The following UBAP1 variants were observed in gnomAD, a reference collection of about 807,000 sequenced individuals.
UBAP1 encodes the protein ubiquitin-associated protein 1.
A neutral mutation model predicts 39.0 loss-of-function variants in UBAP1; 5 were observed. The observed-to-expected ratio is 0.13, with a 90% CI of 0.07 to 0.27. The LOEUF is 0.27. Ranked by LOEUF, UBAP1 falls within the 10% of genes least tolerant of loss-of-function variation. UBAP1 has a pLI of 1.00. For missense variants in UBAP1, 490 were observed against 608.1 expected (o/e 0.81, Z 2.04); for synonymous variants, 211 against 225.1 (o/e 0.94, Z 0.56).
intron 1 of UBAP1, among the ~76,000 whole-genome samples, chr9:34,209,179 C>T (rs1831884026): frequency 6.6e-6 from 1 of 152,128 alleles, no homozygotes; most frequent in Non-Finnish European, 1.5e-5. Context: ...CTCAAGTGAT[C>T]TGCCTGCCTT....
At chr9:34,228,146 C>T (rs896371794) in intron 2 of UBAP1, among the ~76,000 whole-genome samples, 2 of 151,024 alleles carry the variant, frequency 1.3e-5, no homozygotes, top group South Asian at 2.1e-4. Context: ...AAGCTGGGTG[C>T]GATGGCTCAC....
intron 1 of UBAP1, among the ~76,000 whole-genome samples, chr9:34,181,781 A>G (rs113056841): frequency 1.3e-5 from 2 of 148,928 alleles, no homozygotes; most frequent in African/African-American, 5.0e-5. Context: ...TAAACTCTGT[A>G]AATATGAAAA....
At chr9:34,182,651 CTTTCTTTCTTTCTTTCTTTCTT>C (rs1440327692) in intron 1 of UBAP1, among the ~76,000 whole-genome samples, 6 of 59,584 alleles carry the variant, frequency 1.0e-4, no homozygotes, top group African/African-American at 2.1e-4. Context: ...TTCTTTCTTT[CTTTCTTTCTTTCTTTCTTTCTT>C]TCTTTCTTTC....
At chr9:34,185,548 C>T (rs1587781337) in intron 1 of UBAP1, among the ~76,000 whole-genome samples, 1 of 151,904 alleles carries the variant, frequency 6.6e-6, no homozygotes, top group Non-Finnish European at 1.5e-5. Context: ...GATCCTACCT[C>T]AAAAGAAATA....
chr9:34,249,779 G>A lies in UBAP1; in HGVS notation c.1084G>A (p.Val362Ile), dbSNP rs1188887328. Residue 362 changes from valine (V) to isoleucine (I), a missense_variant and splice_region_variant, in exon 5 of 7, where the codon GTC (valine) becomes ATC (isoleucine). Val to Ile is a conservative substitution (Grantham distance 29). Coordinates refer to ENST00000297661, the MANE Select transcript of UBAP1 (RefSeq NM_016525.5). Reference sequence around the variant, plus strand: ...CTTAATCTTCTTGTTTTTCCACTAGGTCACCCCTCCTAATTTCTCAGTGTC... The same window carrying A: ...CTTAATCTTCTTGTTTTTCCACTAGATCACCCCTCCTAATTTCTCAGTGTC... ...ESSPPNTGPT[V>I]TPPNFSVSQV... The A allele has an allele frequency of 1.2e-6, 2 of 1,613,560 alleles. No homozygotes were observed. The highest frequency in any genetic ancestry group is 1.7e-6 in the Non-Finnish European group (2 of 1,179,640).
At chr9:34,219,485 T>A (rs1239162452) in intron 1 of UBAP1, among the ~76,000 whole-genome samples, 2 of 152,164 alleles carry the variant, frequency 1.3e-5, no homozygotes, top group Non-Finnish European at 2.9e-5. Flanking sequence ...TATGAATTAT[T>A]TCCAGTCCTA....
At chr9:34,192,541 C>G (rs892040270) in intron 1 of UBAP1, among the ~76,000 whole-genome samples, 25 of 139,604 alleles carry the variant, frequency 1.8e-4, no homozygotes, top group Middle Eastern at 7.5e-3. Context: ...AAAAAAAGAT[C>G]TACACTTCTA....
chr9:34,196,895 TATTTGTGTGTG>T (rs1218572779), intron 1 of UBAP1, among the ~76,000 whole-genome samples: 1 of 138,364 alleles, frequency 7.2e-6, no homozygotes, highest in East Asian at 2.2e-4. Context: ...CTAATATTGT[TATTTGTGTGTG>T]TGTGTGTGTG....
At chr9:34,179,551 C>T (rs1829900629) in intron 1 of UBAP1, among the ~76,000 whole-genome samples, 1 of 151,742 alleles carries the variant, frequency 6.6e-6, no homozygotes. Context: ...ACTGAGAACT[C>T]GGTGGGAACT....
intron 1 of UBAP1, among the ~76,000 whole-genome samples, chr9:34,217,316 A>T (rs1832380937): frequency 6.6e-6 from 1 of 152,140 alleles, no homozygotes; most frequent in East Asian, 1.9e-4. Flanking sequence ...AGCTCACTGC[A>T]GCCTCTGCCT....
intron 5 of UBAP1, among the ~76,000 whole-genome samples, chr9:34,250,377 C>A (rs1167834121): frequency 6.6e-6 from 1 of 152,208 alleles, no homozygotes; most frequent in East Asian, 1.9e-4. Flanking sequence ...TAGCCGCCTG[C>A]CCAGGCTGTG....
chr9:34,202,618 C>T (rs1277113369), intron 1 of UBAP1, among the ~76,000 whole-genome samples: 2 of 73,542 alleles, frequency 2.7e-5, no homozygotes, highest in Non-Finnish European at 5.2e-5. Flanking sequence ...AAGCTGTAGA[C>T]AGAAACGTGT....
chr9:34,180,511 A>G (rs1829958738), intron 1 of UBAP1, among the ~76,000 whole-genome samples: 1 of 152,064 alleles, frequency 6.6e-6, no homozygotes, highest in South Asian at 2.1e-4. Context: ...CCGACTCAAA[A>G]AAAAAAAAAA....
chr9:34,197,602 T>A (rs1017441107), intron 1 of UBAP1, among the ~76,000 whole-genome samples: 11 of 152,176 alleles, frequency 7.2e-5, no homozygotes, highest in Admixed American at 7.2e-4. Context: ...TAGGCTGGAG[T>A]GCAGTGGCAC....
chr9:34,195,926 G>GTT (rs1491276146), intron 1 of UBAP1, among the ~76,000 whole-genome samples: 1 of 42,570 alleles, frequency 2.3e-5, no homozygotes, highest in East Asian at 1.0e-3. Flanking sequence ...CAAATTTTTT[G>GTT]GTTTTTTTTT....
chr9:34,226,614 C>G (rs1190328198), intron 2 of UBAP1, among the ~76,000 whole-genome samples: 1 of 152,142 alleles, frequency 6.6e-6, no homozygotes, highest in Admixed American at 6.6e-5. Flanking sequence ...GAGCCTGGGA[C>G]AGGAGGATTG....
chr9:34,215,167 G>T (rs758322582), intron 1 of UBAP1, among the ~76,000 whole-genome samples: 81 of 152,162 alleles, frequency 5.3e-4, no homozygotes, highest in Non-Finnish European at 7.8e-4. Flanking sequence ...AAAGATGCTT[G>T]CACATGTATG....
intron 1 of UBAP1, chr9:34,201,230 A>G (rs936912221): frequency 6.6e-6 from 1 of 151,986 alleles, no homozygotes; most frequent in African/African-American, 2.4e-5. Context: ...TTAGTTCTTT[A>G]TTTTAGAAAG....
intron 1 of UBAP1, among the ~76,000 whole-genome samples, chr9:34,210,849 C>T (rs1432577282): frequency 1.3e-5 from 2 of 149,878 alleles, no homozygotes; most frequent in Non-Finnish European, 3.0e-5. Context: ...TTTCTTTAAA[C>T]ACATCGTTGC....
Sources: gnomAD v4.1 joint callset for allele counts (sites outside exome capture counted in the v4.1 genomes callset) on GRCh38, gnomAD v4.1.1 for gene constraint, MANE v1.5 for transcripts, NCBI Gene and HGNC (gene_info 2026-07-23, HGNC 2026-07-21) for gene names.